The following ANKHD1 variants were observed in gnomAD, a reference collection of about 807,000 sequenced individuals.
The protein encoded by ANKHD1 is ankyrin repeat and KH domain containing 1.
A neutral mutation model predicts 230.5 loss-of-function variants in ANKHD1; 31 were observed. The ratio of observed to expected loss-of-function variants is 0.13; its 90% CI spans 0.10 to 0.18. The LOEUF (loss-of-function observed/expected upper bound fraction) is 0.18, where lower values mean the gene tolerates loss of function less well. Ranked by LOEUF, ANKHD1 falls within the 10% of genes least tolerant of loss-of-function variation. ANKHD1 has a pLI of 1.00. For synonymous variants in ANKHD1, 1,074 were observed against 1,117.6 expected, an observed-to-expected ratio of 0.96 and a Z score of 0.78; for missense variants, 2,256 against 3,071.3, an observed-to-expected ratio of 0.73 and a Z score of 6.27.
intron 7 of ANKHD1, among the ~76,000 whole-genome samples, chr5:140,457,033 A>G (rs192915410): frequency 6.6e-6 from 1 of 152,342 alleles, no homozygotes; most frequent in Non-Finnish European, 1.5e-5. Context: ...CCCATCAAAA[A>G]GTGGACAAAG....
intron 29 of ANKHD1, among the ~76,000 whole-genome samples, chr5:140,533,368 G>A (rs951132943): frequency 2.6e-5 from 4 of 152,168 alleles, no homozygotes; most frequent in Non-Finnish European, 2.9e-5. Flanking sequence ...GGAGGCCGAG[G>A]CGGGCAGATC....
intron 1 of ANKHD1, among the ~76,000 whole-genome samples, chr5:140,406,375 G>A (rs1770446431): frequency 6.6e-6 from 1 of 152,058 alleles, no homozygotes; most frequent in Non-Finnish European, 1.5e-5. Flanking sequence ...AAGAAATGTG[G>A]AGCCCTAGTA....
chr5:140,524,250 A>G lies in ANKHD1; in HGVS notation c.4492+10A>G. The G allele has an allele frequency of 6.4e-7, 1 of 1,554,680 alleles. No individual in the cohort carries two copies. Among genetic ancestry groups the G allele is most frequent in the Non-Finnish European group, 8.6e-7 (1 of 1,161,690 alleles). ...GAGAATGATGAAGATGGTGAGAAAC[A>G]AACCATCTGAATTAACGATAAAATT... On this transcript the variant is annotated intron_variant, in intron 25 of 33. Transcript: ENST00000360839.
At chr5:140,498,646 G>T (rs1376500086) in intron 15 of ANKHD1, among the ~76,000 whole-genome samples, 1 of 152,074 alleles carries the variant, frequency 6.6e-6, no homozygotes, top group Non-Finnish European at 1.5e-5. Flanking sequence ...ATAAATTCTT[G>T]TAGTTCATTT....
intron 1 of ANKHD1, among the ~76,000 whole-genome samples, chr5:140,432,454 A>G (rs1773120694): frequency 6.6e-6 from 1 of 152,102 alleles, no homozygotes; most frequent in African/African-American, 2.4e-5. Context: ...TATATATCAT[A>G]TTTGGTTTAT....
intron 14 of ANKHD1, among the ~76,000 whole-genome samples, chr5:140,489,729 A>G (rs954420064): frequency 3.3e-5 from 5 of 152,230 alleles, no homozygotes; most frequent in African/African-American, 1.2e-4. Flanking sequence ...ACTAAATAGT[A>G]TAAACATGGA....
In ANKHD1 at chr5:140,496,990, GATA is replaced by G. The variant is rs776263973; in HGVS notation, c.2719_2721del (p.Asn907del). 2.5e-6 allele frequency: 4 copies of G among 1,614,152 alleles called. No homozygotes were observed. Among genetic ancestry groups the G allele is most frequent in the Non-Finnish European group, 3.4e-6 (4 of 1,180,010 alleles). On this transcript the variant is annotated inframe_deletion, in exon 15 of 34. Transcript: ENST00000360839. ...TCAGGTTGACACAATCTTATTTAAA[GATA>G]ATGATGTTGATGATGAGCAACAGTC...
At chr5:140,433,282 T>A (rs1393909583) in intron 1 of ANKHD1, among the ~76,000 whole-genome samples, 1 of 152,114 alleles carries the variant, frequency 6.6e-6, no homozygotes, top group Non-Finnish European at 1.5e-5. Context: ...GCCAGGCTAG[T>A]CTTGAACACC....
chr5:140,423,686 TAC>T (rs1772171057), intron 1 of ANKHD1, among the ~76,000 whole-genome samples: 1 of 152,214 alleles, frequency 6.6e-6, no homozygotes, highest in African/African-American at 2.4e-5. Flanking sequence ...TATTAATACC[TAC>T]TGTATGTATA....
Position 140,528,176 on chromosome 5 carries a change from TCC to T in ANKHD1, c.5238-6_5238-5del. 1.3e-6 allele frequency: 2 copies of T among 1,557,516 alleles called. No individual in the cohort carries two copies. Among genetic ancestry groups the T allele is most frequent in the Non-Finnish European group, 1.7e-6 (2 of 1,158,510 alleles). ...TTGGTCTTGTTTCTGTTTTTTTTTT[TCC>T]CTTAGGGGTGGCACAGAATCAACAA... On this transcript the variant is annotated splice_region_variant and splice_polypyrimidine_tract_variant and intron_variant, in intron 28 of 33. Coordinates refer to ENST00000360839, the MANE Select transcript of ANKHD1 (RefSeq NM_017747.3).
chr5:140,409,161 A>G (rs1770720670), intron 1 of ANKHD1, among the ~76,000 whole-genome samples: 1 of 152,170 alleles, frequency 6.6e-6, no homozygotes, highest in Non-Finnish European at 1.5e-5. Flanking sequence ...TCTGTATTCA[A>G]ACTTAAGGTA....
chr5:140,440,578 CATT>C (rs1561724575), intron 4 of ANKHD1, among the ~76,000 whole-genome samples: 2 of 152,092 alleles, frequency 1.3e-5, no homozygotes, highest in South Asian at 4.1e-4. Context: ...GGAAAGTAGT[CATT>C]ATTTTCATCA....
chr5:140,483,229 A>G (rs919098259), intron 11 of ANKHD1, among the ~76,000 whole-genome samples: 2 of 152,142 alleles, frequency 1.3e-5, no homozygotes, highest in Admixed American at 6.6e-5. Context: ...TTGTCATGTT[A>G]TGAATCAAAA....
At chr5:140,419,332 G>GT (rs1333060895) in intron 1 of ANKHD1, among the ~76,000 whole-genome samples, 1 of 146,122 alleles carries the variant, frequency 6.8e-6, no homozygotes, top group Non-Finnish European at 1.5e-5. Flanking sequence ...CTATGTGTTT[G>GT]TTTTTTCTTT....
chr5:140,438,645 A>G, intron 3 of ANKHD1, 28 bp downstream of exon 3: 1 of 1,521,290 alleles, frequency 6.6e-7, no homozygotes, highest in Non-Finnish European at 8.9e-7. Flanking sequence ...TTTGGATATT[A>G]GACATTTTCT....
intron 29 of ANKHD1, chr5:140,532,749 T>C: frequency 2.6e-6 from 1 of 385,170 alleles, no homozygotes; most frequent in Admixed American, 3.3e-5. Context: ...AGTAAAGCTA[T>C]TAAAAAGTAC....
chr5:140,506,929 T>C lies in ANKHD1; in HGVS notation c.3503T>C (p.Val1168Ala). 1 of 1,614,176 alleles carries C rather than the reference T, an allele frequency of 6.2e-7. No homozygotes were observed. The highest frequency in any genetic ancestry group is 8.5e-7 in the Non-Finnish European group (1 of 1,180,006). The change falls in exon 19 of 34, where the codon GTT becomes GCT. Residue 1168 changes from valine to alanine, a missense_variant. This residue lies in a region of ANKHD1 where 15 missense variants were observed against 63.7 expected (regional missense o/e 0.24). Coordinates refer to ENST00000360839, the MANE Select transcript of ANKHD1 (RefSeq NM_017747.3). This position sits in a 1 kb window ranked among gnomAD's most constrained non-coding sequence, Gnocchi z 4.7. ...PLSLAASGGY[V>A]NIIKILLNAG... ...AGTCTAGCTGCGTCTGGAGGATATG[T>C]TAATATCATTAAGATTCTGCTTAAT... is the stretch of plus-strand genomic sequence containing the variant.
chr5:140,485,486 C>A lies in ANKHD1; in HGVS notation c.1999-103C>A, dbSNP rs1319573957. 2.1e-6 allele frequency: 3 copies of A among 1,447,636 alleles called. No individual in the cohort carries two copies. The highest frequency in any genetic ancestry group is 1.4e-5 in the African/African-American group (1 of 69,084). 89.7% of individuals were successfully genotyped at this position (1,447,636 alleles called of 1,614,324 possible). On this transcript the variant is annotated intron_variant, in intron 12 of 33. Transcript: ENST00000360839. This position sits in a 1 kb window ranked among gnomAD's most constrained non-coding sequence, Gnocchi z 4.8. ...GTATAGTTATAAAAATATGTTTGAT[C>A]TATCTTAGTGCTTAGTATTTAATAC...
chr5:140,473,057 G>A (rs1398394081), intron 10 of ANKHD1, among the ~76,000 whole-genome samples: 3 of 135,602 alleles, frequency 2.2e-5, no homozygotes, highest in Non-Finnish European at 3.1e-5. Context: ...ACAGAGTCTC[G>A]CCCTGTTGCC....
Sources: gnomAD v4.1 joint callset for allele counts (sites outside exome capture counted in the v4.1 genomes callset) on GRCh38, gnomAD v4.1.1 for gene constraint, gnomAD v4.1.1 regional missense constraint, Gnocchi (gnomAD v3.1) non-coding constraint, MANE v1.5 for transcripts, NCBI Gene and HGNC (gene_info 2026-07-23, HGNC 2026-07-21) for gene names.